Variants in SLC6A16 observed in about 807,000 individuals in gnomAD.
The protein encoded by SLC6A16 is solute carrier family 6 member 16.
SLC6A16 carries 54 observed loss-of-function variants against 65.4 expected under a neutral mutation model. That is an observed-to-expected ratio of 0.83 (90% CI 0.66 to 1.04). The LOEUF (loss-of-function observed/expected upper bound fraction) is 1.04. Among genes scored for constraint, SLC6A16 ranks in the 50% least tolerant of loss-of-function variants. SLC6A16 has a pLI of 0.00. For synonymous variants in SLC6A16, 330 were observed against 346.5 expected (o/e 0.95, Z 0.53); for missense variants, 816 against 914.0 (o/e 0.89, Z 1.38).
chr19:49,319,635 C>T (rs529419603), intron 1 of SLC6A16, among the ~76,000 whole-genome samples: 2 of 151,876 alleles, frequency 1.3e-5, no homozygotes, highest in South Asian at 4.2e-4. Flanking sequence ...TTTAATACCC[C>T]ACTACGAACA....
chr19:49,293,209 G>A lies in SLC6A16; in HGVS notation c.1778+14C>T, dbSNP rs1275976719. The A allele has an allele frequency of 1.2e-6, 2 of 1,613,896 alleles. No homozygotes were observed. Among genetic ancestry groups the A allele is most frequent in the Middle Eastern group, 1.7e-4 (1 of 6,040 alleles). Reference sequence around the variant, plus strand: ...AGTCCCATGCTTTGTGAGAACCTGGGCTTAGGACATCACCTCCTGGCCCCA... The same window carrying A: ...AGTCCCATGCTTTGTGAGAACCTGGACTTAGGACATCACCTCCTGGCCCCA... On this transcript the variant is annotated intron_variant, in intron 10 of 11. Transcript: ENST00000335875.
chr19:49,338,865 G>A, the SLC6A16 span: 1 of 1,614,138 alleles, frequency 6.2e-7, no homozygotes, highest in South Asian at 1.1e-5. The surrounding 1 kb of genome is among the most constrained non-coding windows in gnomAD (Gnocchi z 5.0). Flanking sequence ...CAGCAGGCTT[G>A]GACACCTGGC....
the SLC6A16 span, chr19:49,338,236 T>C: frequency 7.2e-7 from 1 of 1,396,652 alleles, no homozygotes; most frequent in Non-Finnish European, 9.3e-7. The surrounding 1 kb of genome is among the most constrained non-coding windows in gnomAD (Gnocchi z 5.0). Context: ...CTGGCGTGGC[T>C]TCGCCATCTA....
chr19:49,304,182 C>T (rs1013919077), intron 7 of SLC6A16, among the ~76,000 whole-genome samples: 1 of 152,140 alleles, frequency 6.6e-6, no homozygotes, highest in Non-Finnish European at 1.5e-5. Flanking sequence ...TGAACGTTAT[C>T]AGAATAAAAT....
chr19:49,294,291 T>TA, intron 8 of SLC6A16, 76 bp downstream of exon 8: 1 of 1,415,990 alleles, frequency 7.1e-7, no homozygotes, highest in Non-Finnish European at 9.7e-7. Context: ...TTGCTGGTGC[T>TA]AATAAAAGCT....
chr19:49,337,774 A>C, the SLC6A16 span: 1 of 1,541,302 alleles, frequency 6.5e-7, no homozygotes, highest in Non-Finnish European at 8.7e-7. Context: ...AAGAAACAGA[A>C]AGACAGACCT....
At chr19:49,325,488 G>T (rs1668783459), upstream of SLC6A16, among the ~76,000 whole-genome samples, 1 of 152,208 alleles carries the variant, frequency 6.6e-6, no homozygotes, top group African/African-American at 2.4e-5. Flanking sequence ...GGTAGGAAGT[G>T]GGAGAATCGT....
rs746679524 is a variant in SLC6A16 at position 49,310,514 on chromosome 19, TGAA to T, written c.416-7_416-5del. The T allele has an allele frequency of 1.9e-6, 3 of 1,613,854 alleles. No individual in the cohort carries two copies. The East Asian group carries it at 6.7e-5, about 36-fold the overall frequency. On this transcript the variant is annotated splice_region_variant and splice_polypyrimidine_tract_variant and intron_variant, in intron 2 of 11. Coordinates refer to ENST00000335875, the MANE Select transcript of SLC6A16 (RefSeq NM_014037.3). Reference sequence around the variant, plus strand: ...ATGTAGATGGCAGCGAAACTGCCTGTGAAGAAGATTCAGAAGGGACTCTGAGAA... The same window carrying T: ...ATGTAGATGGCAGCGAAACTGCCTGTGAAGATTCAGAAGGGACTCTGAGAA...
intron 7 of SLC6A16, among the ~76,000 whole-genome samples, chr19:49,301,201 C>T (rs948129957): frequency 6.6e-6 from 1 of 152,158 alleles, no homozygotes; most frequent in African/African-American, 2.4e-5. Flanking sequence ...TCACCCCATC[C>T]CCCGAGCCAG....
chr19:49,335,657 A>G, the SLC6A16 span: 10 of 1,610,214 alleles, frequency 6.2e-6, no homozygotes, highest in African/African-American at 1.3e-5. This position sits in a 1 kb window ranked among gnomAD's most constrained non-coding sequence, Gnocchi z 4.6. Context: ...CCTGCCGCTA[A>G]CCCAGCCCTC....
At chr19:49,293,195 T>A (rs776438315) in intron 10 of SLC6A16, 28 bp downstream of exon 10, 1 of 1,612,460 alleles carries the variant, frequency 6.2e-7, no homozygotes, top group South Asian at 1.1e-5. Flanking sequence ...GTCCCATGCT[T>A]TGTGAGAACC....
At position 49,289,737 on chromosome 19, in the gene SLC6A16, GA is replaced by G. The variant is rs1198795129; in HGVS notation, c.*385del. 7 of 195,268 alleles carry G rather than the reference GA, an allele frequency of 3.6e-5. No homozygotes were observed. Among genetic ancestry groups the G allele is most frequent in the East Asian group, 2.9e-4 (2 of 6,824 alleles). The allele number at this position is 195,268 out of a possible 1,614,324, so 12.1% of individuals were successfully genotyped here. A position where few individuals can be genotyped will look rare whatever the true frequency, so the allele number is the denominator to read the frequency against. On this transcript the variant is annotated 3_prime_UTR_variant, in exon 12 of 12. Coordinates refer to ENST00000335875, the MANE Select transcript of SLC6A16 (RefSeq NM_014037.3). ...AACTGAACATCTGAGACATCTATAG[GA>G]AAAAAAGATCTGCTTACATCCAGTC... is the stretch of plus-strand genomic sequence containing the variant.
At chr19:49,324,362 C>A (rs1970764981) in intron 1 of SLC6A16, among the ~76,000 whole-genome samples, 1 of 152,066 alleles carries the variant, frequency 6.6e-6, no homozygotes, top group Non-Finnish European at 1.5e-5. Flanking sequence ...ATAATAGATT[C>A]ATGTTTCTTA....
chr19:49,304,177 G>A (rs1310501590), intron 7 of SLC6A16, among the ~76,000 whole-genome samples: 6 of 152,196 alleles, frequency 3.9e-5, no homozygotes, highest in Non-Finnish European at 5.9e-5. Context: ...AAATGTGAAC[G>A]TTATCAGAAT....
intron 7 of SLC6A16, chr19:49,306,211 T>C (rs563732140): frequency 4.0e-5 from 6 of 151,644 alleles, no homozygotes; most frequent in African/African-American, 1.5e-4. Context: ...GGCAAGAGAA[T>C]GGTGTGAACC....
At chr19:49,317,782 G>A (rs76094011) in intron 1 of SLC6A16, among the ~76,000 whole-genome samples, 3 of 151,832 alleles carry the variant, frequency 2.0e-5, no homozygotes, top group East Asian at 3.9e-4. Context: ...CTCCAGCCAG[G>A]GCAACACAGC....
intron 7 of SLC6A16, among the ~76,000 whole-genome samples, chr19:49,305,442 A>C (rs549867446): frequency 1.3e-5 from 2 of 151,962 alleles, no homozygotes; most frequent in East Asian, 3.9e-4. Context: ...AAATACAAAA[A>C]TCAGCTGGGT....
chr19:49,325,646 TA>T (rs894104670), upstream of SLC6A16, among the ~76,000 whole-genome samples: 1 of 152,148 alleles, frequency 6.6e-6, no homozygotes, highest in Non-Finnish European at 1.5e-5. Flanking sequence ...AGACAAGAAT[TA>T]AAAACTCAAA....
the SLC6A16 span, chr19:49,337,045 A>G: frequency 2.5e-6 from 4 of 1,613,064 alleles, no homozygotes; most frequent in Non-Finnish European, 3.4e-6. Flanking sequence ...TGAGTGCACC[A>G]TCCCTCTCCG....
Sources: allele counts gnomAD v4.1 joint callset (sites outside exome capture counted in the v4.1 genomes callset), GRCh38; gene constraint gnomAD v4.1.1; non-coding constraint Gnocchi (gnomAD v3.1); transcripts MANE v1.5; gene names NCBI Gene and HGNC (gene_info 2026-07-23, HGNC 2026-07-21).